Variants in MEF2A observed in about 807,000 individuals in gnomAD.
MEF2A encodes myocyte-specific enhancer factor 2A.
MEF2A carries 28 observed loss-of-function variants against 55.8 expected under a neutral mutation model. That is an observed-to-expected ratio of 0.50 (90% CI 0.37 to 0.69). MEF2A has a LOEUF of 0.69. Ranked by LOEUF, MEF2A falls within the 30% of genes least tolerant of loss-of-function variation. MEF2A has a pLI of 0.00. For missense variants in MEF2A, 528 were observed against 626.2 expected (o/e 0.84, Z 1.67); for synonymous variants, 239 against 227.1 (o/e 1.05, Z -0.47).
Position 99,714,798 on chromosome 15 carries a change from T to A in MEF2A, c.*2027T>A, listed in dbSNP as rs1195218051. On this transcript the variant is annotated 3_prime_UTR_variant, in exon 12 of 12. Coordinates refer to ENST00000557942, the MANE Select transcript of MEF2A (RefSeq NM_001319206.4). ...ACCTACAATTTCTATGTACATTTTG[T>A]TCCCCCCCCCCCACCCCCCCCCCAA... 3.8e-5 allele frequency: 1 copy of A among 25,980 alleles called. No homozygotes were observed. Among genetic ancestry groups the A allele is most frequent in the South Asian group, 2.9e-3 (1 of 346 alleles). The allele number at this position is 25,980 out of a possible 1,614,324, so 1.6% of individuals were successfully genotyped here. A position where few individuals can be genotyped will look rare whatever the true frequency, so the allele number is the denominator to read the frequency against.
In MEF2A at chr15:99,712,299, C is replaced by A; in HGVS notation, c.1137-91C>A. The A allele has an allele frequency of 6.9e-7, 1 of 1,440,626 alleles. No individual in the cohort carries two copies. The highest frequency in any genetic ancestry group is 9.1e-7 in the Non-Finnish European group (1 of 1,098,576). 89.2% of individuals were successfully genotyped at this position (1,440,626 alleles called of 1,614,324 possible). A position where few individuals can be genotyped will look rare whatever the true frequency, so the allele number is the denominator to read the frequency against. ...TCTGATAAGATTTCAGACTCTGGGC[C>A]CTTTTCCATCAGGCAGTGTCTCTAC... On this transcript the variant is annotated intron_variant, in intron 11 of 11. Coordinates refer to ENST00000557942, the MANE Select transcript of MEF2A (RefSeq NM_001319206.4). This position sits in a 1 kb window ranked among gnomAD's most constrained non-coding sequence, Gnocchi z 4.1.
At chr15:99,619,404 C>T (rs184159792) in intron 2 of MEF2A, among the ~76,000 whole-genome samples, 27 of 152,252 alleles carry the variant, frequency 1.8e-4, no homozygotes, top group South Asian at 6.2e-4. Context: ...TTAGCATCTG[C>T]GACCTTGGCG....
chr15:99,572,675 T>C (rs972806698), intron 1 of MEF2A, among the ~76,000 whole-genome samples: 1 of 152,238 alleles, frequency 6.6e-6, no homozygotes, highest in African/African-American at 2.4e-5. Context: ...CACATAGTTA[T>C]AGTTATTGAA....
rs1480562595 is a variant in MEF2A at position 99,675,254 on chromosome 15, A to G, written c.611-145A>G. 5.4e-6 allele frequency: 4 copies of G among 734,740 alleles called. No individual in the cohort carries two copies. In the East Asian group the frequency reaches 7.9e-5, roughly 15 times the overall value. 45.5% of individuals were successfully genotyped at this position (734,740 alleles called of 1,614,324 possible). ...CTACATCAGATTACATGTTAATGCC[A>G]ACTTCAGACTGAGCTAGTTTTTATT... On this transcript the variant is annotated intron_variant, in intron 6 of 11. Coordinates refer to ENST00000557942, the MANE Select transcript of MEF2A (RefSeq NM_001319206.4).
At chr15:99,596,857 A>T (rs1477674882) in intron 1 of MEF2A, among the ~76,000 whole-genome samples, 1 of 152,176 alleles carries the variant, frequency 6.6e-6, no homozygotes, top group African/African-American at 2.4e-5. Flanking sequence ...GGGACCCCAA[A>T]CGGAGGGACT....
chr15:99,624,715 G>T (rs2041792063), intron 2 of MEF2A, among the ~76,000 whole-genome samples: 1 of 152,166 alleles, frequency 6.6e-6, no homozygotes, highest in Non-Finnish European at 1.5e-5. Flanking sequence ...AAATACCATT[G>T]GGATTTAGTA....
Position 99,712,965 on chromosome 15 carries a change from T to TGCAA in MEF2A, c.*195_*198dup, listed in dbSNP as rs2058830131. 1 of 652,860 alleles carries TGCAA rather than the reference T, an allele frequency of 1.5e-6. No individual in the cohort carries two copies. Among genetic ancestry groups the TGCAA allele is most frequent in the African/African-American group, 1.8e-5 (1 of 54,906 alleles). The allele number at this position is 652,860 out of a possible 1,614,324, so 40.4% of individuals were successfully genotyped here. A position where few individuals can be genotyped will look rare whatever the true frequency, so the allele number is the denominator to read the frequency against. ...ACATACACAGAATCAGGCACTTACCTGCAAACTCCTTGTAGGTCTGCAGAT... is the reference window on the plus strand; with the variant it reads ...ACATACACAGAATCAGGCACTTACCTGCAAGCAAACTCCTTGTAGGTCTGCAGAT... On this transcript the variant is annotated 3_prime_UTR_variant, in exon 12 of 12. Transcript: ENST00000557942. This position sits in a 1 kb window ranked among gnomAD's most constrained non-coding sequence, Gnocchi z 4.1.
intron 5 of MEF2A, among the ~76,000 whole-genome samples, chr15:99,672,688 G>A (rs1294880960): frequency 6.6e-6 from 1 of 152,080 alleles, no homozygotes; most frequent in African/African-American, 2.4e-5. Flanking sequence ...TTTCAGATTT[G>A]GGATTTTTTT....
intron 2 of MEF2A, among the ~76,000 whole-genome samples, chr15:99,631,574 C>T (rs543491529): frequency 6.6e-6 from 1 of 152,090 alleles, no homozygotes; most frequent in African/African-American, 2.4e-5. Flanking sequence ...TATGCAAACT[C>T]ATTTGCATTA....
chr15:99,653,073 A>G (rs572095066), intron 4 of MEF2A, among the ~76,000 whole-genome samples: 2 of 152,346 alleles, frequency 1.3e-5, no homozygotes, highest in South Asian at 4.1e-4. Context: ...TAAGCATATA[A>G]CTATTATAAG....
At chr15:99,578,917 A>G (rs1057178036) in intron 1 of MEF2A, among the ~76,000 whole-genome samples, 3 of 152,236 alleles carry the variant, frequency 2.0e-5, no homozygotes, top group Non-Finnish European at 4.4e-5. Context: ...TTACTTTACC[A>G]TGAAAAAGGC....
intron 7 of MEF2A, among the ~76,000 whole-genome samples, chr15:99,684,776 C>T (rs909356807): frequency 2.0e-5 from 3 of 152,120 alleles, no homozygotes; most frequent in Non-Finnish European, 4.4e-5. Context: ...TTGTCTAAGC[C>T]AATGTCTAGA....
chr15:99,647,357 C>G (rs1322835486), intron 4 of MEF2A, among the ~76,000 whole-genome samples: 2 of 150,782 alleles, frequency 1.3e-5, no homozygotes, highest in Non-Finnish European at 3.0e-5. Flanking sequence ...TCAACTCAAA[C>G]CAATGGAGCT....
At chr15:99,673,237 G>C (rs894559605) in intron 5 of MEF2A, among the ~76,000 whole-genome samples, 5 of 152,124 alleles carry the variant, frequency 3.3e-5, no homozygotes, top group Non-Finnish European at 7.4e-5. Context: ...CAAAAAAATA[G>C]CCTTAAGGAG....
At chr15:99,632,744 A>G (rs1488862798) in intron 2 of MEF2A, among the ~76,000 whole-genome samples, 2 of 152,154 alleles carry the variant, frequency 1.3e-5, no homozygotes, top group Admixed American at 6.5e-5. Flanking sequence ...CATTGAGAAA[A>G]CCTCAAACAT....
intron 8 of MEF2A, among the ~76,000 whole-genome samples, chr15:99,695,689 G>A (rs1250106437): frequency 1.3e-5 from 2 of 151,902 alleles, no homozygotes; most frequent in African/African-American, 4.8e-5. Context: ...GAGAAACCCT[G>A]TCTCTACTAA....
intron 2 of MEF2A, among the ~76,000 whole-genome samples, chr15:99,623,159 A>T (rs758211426): frequency 6.6e-6 from 1 of 152,150 alleles, no homozygotes; most frequent in Non-Finnish European, 1.5e-5. Context: ...TCATTAGTAG[A>T]TTGGTCCTTT....
At chr15:99,688,568 T>C (rs922034774) in intron 7 of MEF2A, among the ~76,000 whole-genome samples, 9 of 152,132 alleles carry the variant, frequency 5.9e-5, no homozygotes, top group African/African-American at 2.2e-4. Flanking sequence ...CCATCCTGGC[T>C]AACACGGTGA....
chr15:99,688,003 G>T (rs879672745), intron 7 of MEF2A, among the ~76,000 whole-genome samples: 1 of 152,120 alleles, frequency 6.6e-6, no homozygotes, highest in Non-Finnish European at 1.5e-5. Context: ...AACTTAAGAG[G>T]CCTGTTTGGC....
Sources: gnomAD v4.1 joint callset for allele counts (sites outside exome capture counted in the v4.1 genomes callset) on GRCh38, gnomAD v4.1.1 for gene constraint, Gnocchi (gnomAD v3.1) non-coding constraint, MANE v1.5 for transcripts, NCBI Gene and HGNC (gene_info 2026-07-23, HGNC 2026-07-21) for gene names.